CCDC148: variants seen among roughly 807,000 people sequenced by gnomAD.
CCDC148 encodes coiled-coil domain containing 148.
In CCDC148, 89 loss-of-function variants were observed where a neutral mutation model predicts 85.7. The observed-to-expected ratio is 1.04, with a 90% confidence interval of 0.87 to 1.24. The LOEUF (loss-of-function observed/expected upper bound fraction) is 1.24. CCDC148 is among the 50% of genes most tolerant of loss of function. CCDC148 has a pLI of 0.00. For missense variants in CCDC148, 692 were observed against 671.7 expected, an observed-to-expected ratio of 1.03 and a Z score of -0.33; for synonymous variants, 230 against 213.9, an observed-to-expected ratio of 1.08 and a Z score of -0.66.
intron 9 of CCDC148, among the ~76,000 whole-genome samples, chr2:158,252,746 G>T (rs1047137540): frequency 1.3e-5 from 2 of 151,500 alleles, no homozygotes; most frequent in Non-Finnish European, 3.0e-5. Context: ...CTCTATCTAT[G>T]TTCATTATTT....
chr2:158,229,584 T>C (rs1297687530), intron 10 of CCDC148, among the ~76,000 whole-genome samples: 1 of 152,194 alleles, frequency 6.6e-6, no homozygotes. Flanking sequence ...TGCTGCTATT[T>C]CCTCACTTTC....
At chr2:158,432,911 T>A (rs955241279) in intron 1 of CCDC148, among the ~76,000 whole-genome samples, 1 of 151,150 alleles carries the variant, frequency 6.6e-6, no homozygotes, top group African/African-American at 2.4e-5. Flanking sequence ...GTGTATGATG[T>A]GATGCCTCAA....
intron 10 of CCDC148, among the ~76,000 whole-genome samples, chr2:158,244,251 T>C (rs1266673850): frequency 6.6e-6 from 1 of 152,188 alleles, no homozygotes; most frequent in Non-Finnish European, 1.5e-5. Context: ...GATACTAAAA[T>C]CTGTATTAGT....
intron 9 of CCDC148, among the ~76,000 whole-genome samples, chr2:158,255,437 G>C (rs1246669312): frequency 1.3e-5 from 2 of 151,734 alleles, no homozygotes; most frequent in African/African-American, 4.8e-5. Flanking sequence ...CACTGGATAA[G>C]ATGAAGAATC....
chr2:158,178,750 C>A (rs1684717328), intron 12 of CCDC148, 129 bp downstream of exon 12: 1 of 642,372 alleles, frequency 1.6e-6, no homozygotes. Flanking sequence ...CAGCAGTATC[C>A]CCATTTGGAA....
intron 9 of CCDC148, among the ~76,000 whole-genome samples, chr2:158,262,654 C>T (rs561953042): frequency 6.6e-6 from 1 of 151,984 alleles, no homozygotes; most frequent in South Asian, 2.1e-4. Context: ...AAAGGCATGT[C>T]TTACATAGTG....
rs10699879 is a variant in CCDC148 at position 158,179,166 on chromosome 2, A to ATTTTTTTTTTTTTTT, written c.1371-185_1371-171dup. ...ATAAAAGACACTCATATAAAATGCAATTTTTTTTTTTTTTTTTTTTTTTGA... is the reference window on the plus strand; with the variant it reads ...ATAAAAGACACTCATATAAAATGCAATTTTTTTTTTTTTTTTTTTTTTTTTTTTTTTTTTTTTTGA... On this transcript the variant is annotated intron_variant, in intron 11 of 13. Transcript: ENST00000283233. Among the ~76,000 whole-genome samples the ATTTTTTTTTTTTTTT allele has an allele frequency of 1.9e-4, 16 of 82,826 alleles. 4 individuals carry two copies. Among genetic ancestry groups the ATTTTTTTTTTTTTTT allele is most frequent in the Admixed American group, 3.9e-4 (2 of 5,180 alleles). 54.3% of individuals were successfully genotyped at this position (82,826 alleles called of 152,430 possible). A position where few individuals can be genotyped will look rare whatever the true frequency, so the allele number is the denominator to read the frequency against.
chr2:158,344,456 C>T (rs1035436669), intron 3 of CCDC148, among the ~76,000 whole-genome samples: 1 of 151,930 alleles, frequency 6.6e-6, no homozygotes, highest in Non-Finnish European at 1.5e-5. Flanking sequence ...TAGAATAAGA[C>T]CACAGAAATT....
At chr2:158,315,540 T>A (rs1692237423) in intron 7 of CCDC148, among the ~76,000 whole-genome samples, 1 of 152,092 alleles carries the variant, frequency 6.6e-6, no homozygotes, top group South Asian at 2.1e-4. Flanking sequence ...GATGTATGGG[T>A]AGTGTGTGCC....
chr2:158,382,739 C>T (rs1684925689), intron 1 of CCDC148, among the ~76,000 whole-genome samples: 1 of 143,744 alleles, frequency 7.0e-6, no homozygotes, highest in South Asian at 2.3e-4. Context: ...TAAAATCCAC[C>T]CTGTCTCTAC....
intron 1 of CCDC148, among the ~76,000 whole-genome samples, chr2:158,367,018 C>T (rs955760467): frequency 2.0e-5 from 3 of 152,102 alleles, no homozygotes; most frequent in Non-Finnish European, 1.5e-5. Flanking sequence ...ATTATAGCCT[C>T]CCCCTCCCTA....
At chr2:158,436,905 C>T (rs1328985895) in intron 1 of CCDC148, among the ~76,000 whole-genome samples, 1 of 152,154 alleles carries the variant, frequency 6.6e-6, no homozygotes, top group African/African-American at 2.4e-5. Context: ...TCGACACATA[C>T]ACCCTCTCAA....
At chr2:158,445,593 A>G (rs1326771591) in intron 1 of CCDC148, among the ~76,000 whole-genome samples, 1 of 152,210 alleles carries the variant, frequency 6.6e-6, no homozygotes, top group South Asian at 2.1e-4. Flanking sequence ...AAGAGAAAAA[A>G]CTAAAACGAC....
At chr2:158,291,913 T>C (rs79875649) in intron 9 of CCDC148, among the ~76,000 whole-genome samples, 22,983 of 152,236 alleles carry the variant, frequency 0.15, 2,219 homozygotes, top group Non-Finnish European at 0.21. Flanking sequence ...CACTTTCAAA[T>C]ACCCAGGCAT....
At chr2:158,424,422 A>C (rs1410531066) in intron 1 of CCDC148, among the ~76,000 whole-genome samples, 1 of 152,170 alleles carries the variant, frequency 6.6e-6, no homozygotes, top group Non-Finnish European at 1.5e-5. Context: ...TTGTAGGGAC[A>C]TGGATGAAGC....
intron 1 of CCDC148, among the ~76,000 whole-genome samples, chr2:158,428,941 G>T (rs1372319613): frequency 3.9e-5 from 6 of 152,074 alleles, no homozygotes; most frequent in Non-Finnish European, 5.9e-5. Context: ...ATACACCATG[G>T]AATACTATGC....
intron 11 of CCDC148, among the ~76,000 whole-genome samples, chr2:158,193,022 G>A (rs1192122356): frequency 2.0e-5 from 3 of 151,928 alleles, no homozygotes; most frequent in Admixed American, 6.6e-5. Flanking sequence ...TCCTTTCCCA[G>A]ATGTCACAAC....
intron 1 of CCDC148, among the ~76,000 whole-genome samples, chr2:158,381,841 C>T (rs1278648676): frequency 2.0e-5 from 3 of 152,088 alleles, no homozygotes; most frequent in Non-Finnish European, 4.4e-5. Flanking sequence ...GCCATGATCA[C>T]ACCATAGCAC....
intron 12 of CCDC148, among the ~76,000 whole-genome samples, chr2:158,177,009 C>T (rs1479049592): frequency 6.6e-6 from 1 of 151,898 alleles, no homozygotes; most frequent in Non-Finnish European, 1.5e-5. Flanking sequence ...TTGAAAGTCA[C>T]AGAAAGTAAA....
Sources: allele counts gnomAD v4.1 joint callset (sites outside exome capture counted in the v4.1 genomes callset), GRCh38; gene constraint gnomAD v4.1.1; transcripts MANE v1.5; gene names NCBI Gene and HGNC (gene_info 2026-07-23, HGNC 2026-07-21).